Variants in CNGB1 observed in about 807,000 individuals in gnomAD.
CNGB1 encodes cyclic nucleotide-gated channel beta-1.
In CNGB1, 126 loss-of-function variants were observed where a neutral mutation model predicts 151.7. The ratio of observed to expected loss-of-function variants is 0.83; its 90% confidence interval spans 0.72 to 0.96. The LOEUF (loss-of-function observed/expected upper bound fraction) is 0.96, where lower values mean the gene tolerates loss of function less well. CNGB1 is among the 40% of genes least tolerant of loss of function. CNGB1 has a pLI of 0.00. For missense variants in CNGB1, 1,698 were observed against 1,627.0 expected, an observed-to-expected ratio of 1.04 and a Z score of -0.75; for synonymous variants, 623 against 635.1, an observed-to-expected ratio of 0.98 and a Z score of 0.29.
chr16:57,921,900 C>T (rs1229545897), intron 18 of CNGB1, among the ~76,000 whole-genome samples: 3 of 152,214 alleles, frequency 2.0e-5, no homozygotes, highest in Admixed American at 1.3e-4. Flanking sequence ...AGCCACTCAG[C>T]TTTTGAGGTC....
chr16:57,906,213 C>T (rs183643865), intron 25 of CNGB1, among the ~76,000 whole-genome samples: 3 of 152,354 alleles, frequency 2.0e-5, no homozygotes, highest in African/African-American at 4.8e-5. Context: ...CTCTCTCTCT[C>T]TCTCCAAGCC....
chr16:57,884,244 A>ACC lies in CNGB1; in HGVS notation c.3675_3676insGG (p.Cys1226GlyfsTer3). 1 of 1,613,852 alleles carries ACC rather than the reference A, an allele frequency of 6.2e-7. No homozygotes were observed. Among genetic ancestry groups the ACC allele is most frequent in the Non-Finnish European group, 8.5e-7 (1 of 1,179,896 alleles). On this transcript the variant is annotated frameshift_variant, in exon 33 of 33. Transcript: ENST00000251102. LOFTEE classifies it low-confidence loss of function (END_TRUNC). ...CCCGGCTCCGGGCCCGGGCTCATGC[A>ACC]GATCCTCACCGAGTGCTCTTCGGGC...
chr16:57,948,021 T>C (rs1351607930), intron 14 of CNGB1, among the ~76,000 whole-genome samples: 2 of 152,158 alleles, frequency 1.3e-5, no homozygotes, highest in African/African-American at 4.8e-5. Context: ...TCTCAGGCCA[T>C]GGCCAGAGGG....
intron 10 of CNGB1, 23 bp from the exon 11 acceptor site, chr16:57,958,508 G>C: frequency 6.2e-7 from 1 of 1,606,204 alleles, no homozygotes; most frequent in South Asian, 1.1e-5. Context: ...GAGAGTGTGC[G>C]GTGTCCAGGT....
intron 26 of CNGB1, among the ~76,000 whole-genome samples, chr16:57,904,360 C>T (rs561168878): frequency 1.5e-4 from 23 of 152,192 alleles, no homozygotes; most frequent in South Asian, 6.2e-4. Flanking sequence ...TTCCTCGGGG[C>T]GGGGCCCTTC....
In CNGB1 at chr16:57,919,157, C is replaced by T. The variant is rs1567377365; in HGVS notation, c.1899G>A (p.Lys633=). Residue 633 remains lysine, a synonymous_variant, in exon 20 of 33, where the codon AAG becomes AAA. Coordinates refer to ENST00000251102, the MANE Select transcript of CNGB1 (RefSeq NM_001297.5). The part of the protein sequence containing the change: ...EEHYCDMLCC[K]FKHRPWKKYQ... ...ACTTCTTCCAGGGGCGGTGTTTGAA[C>T]TTGCAGCAGAGCATGTCGCAATAGT... 1.9e-6 allele frequency: 3 copies of T among 1,614,206 alleles called. No homozygotes were observed. Among genetic ancestry groups the T allele is most frequent in the South Asian group, 2.2e-5 (2 of 91,088 alleles).
At chr16:57,954,491 T>C (rs1962035344) in intron 12 of CNGB1, among the ~76,000 whole-genome samples, 1 of 152,160 alleles carries the variant, frequency 6.6e-6, no homozygotes. Context: ...AATCACTCCA[T>C]GGCCCAAACA....
chr16:57,884,349 CG>C lies in CNGB1; in HGVS notation c.3570del (p.Glu1191SerfsTer33), dbSNP rs769866157. ...GAGCTCGGTGGAGACCCCGGGGGCTCGGGGGGCGTCCGGGGCGCGGGTGGGT... is the reference window on the plus strand; with the variant it reads ...GAGCTCGGTGGAGACCCCGGGGGCTCGGGGGCGTCCGGGGCGCGGGTGGGT... ...ATDPPAPRTP[P>X]EPPGSPPSSP... On this transcript the variant is annotated frameshift_variant, in exon 33 of 33. Transcript: ENST00000251102. LOFTEE classifies it low-confidence loss of function (END_TRUNC). 2 of 1,568,746 alleles carry C rather than the reference CG, an allele frequency of 1.3e-6. No individual in the cohort carries two copies. The highest frequency in any genetic ancestry group is 1.6e-5 in the African/African-American group (1 of 64,048).
At chr16:57,920,662 C>T in intron 18 of CNGB1, 118 bp from the exon 19 acceptor site, 1 of 1,234,172 alleles carries the variant, frequency 8.1e-7, no homozygotes, top group South Asian at 1.3e-5. Flanking sequence ...GGAGGTAAGT[C>T]CTGCCCCCAT....
intron 16 of CNGB1, among the ~76,000 whole-genome samples, chr16:57,932,569 G>C (rs572633815): frequency 3.4e-5 from 5 of 146,612 alleles, no homozygotes; most frequent in African/African-American, 1.3e-4. Flanking sequence ...CGCCCGGCTA[G>C]TTTTTGTTTT....
At chr16:57,938,003 A>G (rs1041387951) in intron 16 of CNGB1, among the ~76,000 whole-genome samples, 2 of 152,238 alleles carry the variant, frequency 1.3e-5, no homozygotes, top group Non-Finnish European at 2.9e-5. Context: ...AATCACCAGG[A>G]GATCTTGTTA....
intron 29 of CNGB1, among the ~76,000 whole-genome samples, chr16:57,898,384 C>CT (rs68119010): frequency 6.6e-4 from 97 of 146,824 alleles, no homozygotes; most frequent in Middle Eastern, 3.5e-3. Flanking sequence ...TTCAAATTGC[C>CT]TTTTTTTTTT....
rs8055343 is a variant in CNGB1 at position 57,964,163 on chromosome 16, C to A, written c.257G>T (p.Arg86Leu). Residue 86 changes from arginine (R) to leucine (L), a missense_variant, in exon 4 of 33, where the codon CGG (arginine) becomes CTG (leucine). Arg to Leu is a moderately radical substitution (Grantham distance 102). Transcript: ENST00000251102. ...TTCAGAAATCTCAGCGCCCTGGGCC[C>A]GGAGGGATATGGTGGAAGTAAGGGC... ...EAALTSTISL[R>L]AQGAEISEMN... 1.9e-6 allele frequency: 3 copies of A among 1,614,132 alleles called. No homozygotes were observed.
rs559271478 is a variant in CNGB1 at position 57,904,468 on chromosome 16, G to A, written c.2634+266C>T. Reference sequence around the variant, plus strand: ...CAGAAACACCAGGGGCTTCTCCCTCGGTCTCTGCAGAAAACCATTCAGCCC... The same window carrying A: ...CAGAAACACCAGGGGCTTCTCCCTCAGTCTCTGCAGAAAACCATTCAGCCC... On this transcript the variant is annotated intron_variant, in intron 26 of 32. Transcript: ENST00000251102. Among the ~76,000 whole-genome samples, 5 of 152,192 alleles carry A rather than the reference G, an allele frequency of 3.3e-5. No individual in the cohort carries two copies. In the South Asian group the frequency reaches 8.3e-4, roughly 25 times the overall value.
chr16:57,936,968 T>C (rs1005023687), intron 16 of CNGB1: 1 of 152,118 alleles, frequency 6.6e-6, no homozygotes, highest in Non-Finnish European at 1.5e-5. Context: ...GAAAAGGAGA[T>C]GGTTTTCCAT....
At chr16:57,937,407 C>T (rs1237142722) in intron 16 of CNGB1, 1 of 152,300 alleles carries the variant, frequency 6.6e-6, no homozygotes, top group Non-Finnish European at 1.5e-5. Context: ...TGGGGGTCCT[C>T]CCACCAGCCT....
At chr16:57,885,580 T>TCTCTCTCTCTCTCTCTCTCTCTC (rs746385217) in intron 32 of CNGB1, among the ~76,000 whole-genome samples, 11 of 56,992 alleles carry the variant, frequency 1.9e-4, no homozygotes, top group South Asian at 1.7e-3. Context: ...CTCTCTCTCT[T>TCTCTCTCTCTCTCTCTCTCTCTC]TCTTTCTTTC....
rs752145172 is a variant in CNGB1 at position 57,940,229 on chromosome 16, C to T, written c.1209+5G>A. ...AGAGGTGCCAGTGCCTGGTGCTTCT[C>T]ATACCTGATCTGAAGTGCTCTGGGG... On this transcript the variant is annotated splice_donor_5th_base_variant and intron_variant, in intron 15 of 32. Transcript: ENST00000251102. 6.4e-7 allele frequency: 1 copy of T among 1,562,110 alleles called. No individual in the cohort carries two copies. The highest frequency in any genetic ancestry group is 1.2e-5 in the South Asian group (1 of 84,840).
At chr16:57,894,300 A>C (rs1369600412) in intron 31 of CNGB1, among the ~76,000 whole-genome samples, 1 of 152,196 alleles carries the variant, frequency 6.6e-6, no homozygotes, top group African/African-American at 2.4e-5. Flanking sequence ...AGAAAGAAGA[A>C]GAAATAAGAA....
Sources: allele counts gnomAD v4.1 joint callset (sites outside exome capture counted in the v4.1 genomes callset), GRCh38; gene constraint gnomAD v4.1.1; transcripts MANE v1.5; gene names NCBI Gene and HGNC (gene_info 2026-07-23, HGNC 2026-07-21).